The following CNTN4 variants were observed in gnomAD, a reference collection of about 807,000 sequenced individuals.
CNTN4 encodes the protein contactin-4.
In CNTN4, 77 loss-of-function variants were observed where a neutral mutation model predicts 122.5. The observed-to-expected ratio is 0.63, with a 90% CI of 0.52 to 0.76. CNTN4 has a LOEUF of 0.76. Among genes scored for constraint, CNTN4 ranks in the 30% least tolerant of loss-of-function variants. CNTN4 has a pLI of 0.00. For synonymous variants in CNTN4, 512 were observed against 447.0 expected (o/e 1.15, Z -1.83); for missense variants, 1,256 against 1,259.1 (o/e 1.00, Z 0.04).
intron 6 of CNTN4, among the ~76,000 whole-genome samples, chr3:2,787,167 A>G (rs2091861738): frequency 6.6e-6 from 1 of 152,182 alleles, no homozygotes; most frequent in Non-Finnish European, 1.5e-5. Flanking sequence ...ACCTGAGGTC[A>G]GGAGTTCAAG....
At chr3:2,679,397 A>G (rs1413170027) in intron 4 of CNTN4, among the ~76,000 whole-genome samples, 3 of 152,154 alleles carry the variant, frequency 2.0e-5, no homozygotes, top group Admixed American at 6.5e-5. Context: ...AACCAGACAA[A>G]GAAGTAGGAA....
chr3:2,744,550 C>G (rs1048053362), intron 5 of CNTN4, among the ~76,000 whole-genome samples: 1 of 152,186 alleles, frequency 6.6e-6, no homozygotes, highest in African/African-American at 2.4e-5. Context: ...AATTCACAAA[C>G]TCCTACTATG....
intron 3 of CNTN4, among the ~76,000 whole-genome samples, chr3:2,429,531 G>C (rs1174234556): frequency 6.6e-6 from 1 of 152,184 alleles, no homozygotes; most frequent in Non-Finnish European, 1.5e-5. Flanking sequence ...TGGAGGTCAG[G>C]GACCCACTTG....
At chr3:2,835,047 G>C (rs748230123) in intron 7 of CNTN4, among the ~76,000 whole-genome samples, 21 of 151,762 alleles carry the variant, frequency 1.4e-4, no homozygotes, top group African/African-American at 4.6e-4. Context: ...TGGGACTACA[G>C]GCGCCCGCCA....
At chr3:2,510,332 C>G (rs1252988224) in intron 3 of CNTN4, among the ~76,000 whole-genome samples, 1 of 147,230 alleles carries the variant, frequency 6.8e-6, no homozygotes, top group Non-Finnish European at 1.5e-5. Context: ...GAAAAGAAAA[C>G]TAAGACTCAC....
chr3:2,278,741 C>T (rs1211635866), intron 2 of CNTN4, among the ~76,000 whole-genome samples: 2 of 151,994 alleles, frequency 1.3e-5, no homozygotes, highest in Non-Finnish European at 2.9e-5. Context: ...CTTCTTTGTG[C>T]CTTAGTTTCC....
intron 3 of CNTN4, among the ~76,000 whole-genome samples, chr3:2,465,032 T>C (rs1206678129): frequency 6.6e-6 from 1 of 152,200 alleles, no homozygotes; most frequent in African/African-American, 2.4e-5. Context: ...GAAAAAGGTC[T>C]GAAGATGGAT....
intron 3 of CNTN4, among the ~76,000 whole-genome samples, chr3:2,473,599 G>C (rs992850376): frequency 6.6e-6 from 1 of 152,134 alleles, no homozygotes; most frequent in African/African-American, 2.4e-5. Flanking sequence ...ACCAATTTTA[G>C]AACATACCTA....
At chr3:2,459,227 C>T (rs1051819441) in intron 3 of CNTN4, among the ~76,000 whole-genome samples, 1 of 152,112 alleles carries the variant, frequency 6.6e-6, no homozygotes, top group African/African-American at 2.4e-5. Context: ...GTTCCTTTGG[C>T]AATTTGAATG....
chr3:2,486,374 T>C (rs1429260527), intron 3 of CNTN4, among the ~76,000 whole-genome samples: 1 of 152,206 alleles, frequency 6.6e-6, no homozygotes, highest in Admixed American at 6.5e-5. Context: ...GATAGTCTTA[T>C]GTTTAGCTGA....
chr3:2,371,900 G>A (rs2045646552), intron 3 of CNTN4, among the ~76,000 whole-genome samples: 1 of 152,212 alleles, frequency 6.6e-6, no homozygotes, highest in East Asian at 1.9e-4. Flanking sequence ...ATGTAGTTGT[G>A]CTGTTTAAAA....
intron 3 of CNTN4, among the ~76,000 whole-genome samples, chr3:2,448,392 G>A (rs2048702144): frequency 6.6e-6 from 1 of 152,198 alleles, no homozygotes; most frequent in South Asian, 2.1e-4. Context: ...GATCTATCAA[G>A]TCATTGGGAC....
At chr3:2,267,643 C>T (rs1153496) in intron 2 of CNTN4, among the ~76,000 whole-genome samples, 5,166 of 152,128 alleles carry the variant, frequency 0.034, 106 homozygotes, top group Middle Eastern at 0.041. Context: ...TATTTCCACT[C>T]CTTTTCCCAT....
At chr3:2,348,454 G>A (rs539794919) in intron 3 of CNTN4, among the ~76,000 whole-genome samples, 1 of 152,218 alleles carries the variant, frequency 6.6e-6, no homozygotes, top group East Asian at 1.9e-4. Context: ...TCAAAACCCT[G>A]GCTCACCAGC....
intron 13 of CNTN4, among the ~76,000 whole-genome samples, chr3:2,941,284 A>G (rs1038089412): frequency 6.6e-6 from 1 of 151,726 alleles, no homozygotes; most frequent in African/African-American, 2.4e-5. Context: ...TGCTCTGTCT[A>G]CTTTCCCTCT....
At chr3:2,206,511 GAAA>G (rs10584602) in intron 2 of CNTN4, among the ~76,000 whole-genome samples, 1,802 of 151,420 alleles carry the variant, frequency 0.012, 39 homozygotes, top group African/African-American at 0.042. Flanking sequence ...GGATTTTTCT[GAAA>G]AAAATAAGAA....
chr3:2,486,885 G>GT (rs2076177804), intron 3 of CNTN4, among the ~76,000 whole-genome samples: 1 of 152,054 alleles, frequency 6.6e-6, no homozygotes, highest in East Asian at 1.9e-4. Context: ...TCTCCAAACT[G>GT]TTTTTTATTA....
chr3:2,762,733 A>G (rs2090647128), intron 6 of CNTN4, among the ~76,000 whole-genome samples: 1 of 152,142 alleles, frequency 6.6e-6, no homozygotes, highest in South Asian at 2.1e-4. Context: ...CCATCTTTAC[A>G]TCTTTGAGGG....
intron 6 of CNTN4, among the ~76,000 whole-genome samples, chr3:2,791,156 A>G (rs147027424): frequency 2.1e-3 from 313 of 152,318 alleles, no homozygotes; most frequent in African/African-American, 7.2e-3. Flanking sequence ...CATGTAACTC[A>G]CAAGATTACT....
Sources: allele counts gnomAD v4.1 joint callset (sites outside exome capture counted in the v4.1 genomes callset), GRCh38; gene constraint gnomAD v4.1.1; transcripts MANE v1.5; gene names NCBI Gene and HGNC (gene_info 2026-07-23, HGNC 2026-07-21).